The following C1GALT1 variants were observed in gnomAD, a reference collection of about 807,000 sequenced individuals.
C1GALT1 encodes core 1 synthase, glycoprotein-N-acetylgalactosamine 3-beta-galactosyltransferase 1.
A neutral mutation model predicts 31.0 loss-of-function variants in C1GALT1; 11 were observed. The ratio of observed to expected loss-of-function variants is 0.36; its 90% CI spans 0.22 to 0.59. The LOEUF is 0.59. Among genes scored for constraint, C1GALT1 ranks in the 20% least tolerant of loss-of-function variants. The pLI, the probability that C1GALT1 is intolerant of heterozygous loss-of-function variation, is 0.79. For synonymous variants in C1GALT1, 175 were observed against 143.6 expected, an observed-to-expected ratio of 1.22 and a Z score of -1.56; for missense variants, 424 against 425.2, an observed-to-expected ratio of 1.00 and a Z score of 0.03.
intron 1 of C1GALT1, among the ~76,000 whole-genome samples, chr7:7,187,366 C>T (rs907939572): frequency 6.6e-6 from 1 of 152,018 alleles, no homozygotes; most frequent in Non-Finnish European, 1.5e-5. Flanking sequence ...TCTCCTGCCT[C>T]AGCCTCCCCA....
chr7:7,184,719 T>C (rs1407198898), intron 1 of C1GALT1, among the ~76,000 whole-genome samples: 1 of 152,226 alleles, frequency 6.6e-6, no homozygotes, highest in Non-Finnish European at 1.5e-5. Context: ...AAGTAGAAAA[T>C]GGAAAGCTTG....
chr7:7,165,063 C>T (rs540679181), intron 2 of C1GALT1, among the ~76,000 whole-genome samples: 1 of 152,130 alleles, frequency 6.6e-6, no homozygotes. Context: ...CAGAGAAGGA[C>T]CAAACAGTGC....
intron 1 of C1GALT1, among the ~76,000 whole-genome samples, chr7:7,188,702 G>A (rs1395085194): frequency 6.6e-6 from 1 of 152,016 alleles, no homozygotes; most frequent in Non-Finnish European, 1.5e-5. Context: ...AATATATACA[G>A]AAACATTTAA....
chr7:7,167,836 A>C (rs1156353450), intron 2 of C1GALT1, among the ~76,000 whole-genome samples: 4 of 152,126 alleles, frequency 2.6e-5, no homozygotes, highest in African/African-American at 9.7e-5. Context: ...TGAAGCAGCA[A>C]AAACATTCTC....
intron 1 of C1GALT1, among the ~76,000 whole-genome samples, chr7:7,187,097 A>T (rs1780849083): frequency 6.6e-6 from 1 of 152,232 alleles, no homozygotes; most frequent in Non-Finnish European, 1.5e-5. Flanking sequence ...TGCTCAGACC[A>T]GGGTGATAGC....
intron 1 of C1GALT1, among the ~76,000 whole-genome samples, chr7:7,232,461 G>C (rs1411935619): frequency 1.3e-5 from 2 of 150,282 alleles, no homozygotes; most frequent in Non-Finnish European, 3.0e-5. Context: ...AAGAGTTTGA[G>C]AAATGTAATG....
intron 1 of C1GALT1, among the ~76,000 whole-genome samples, chr7:7,225,863 A>G (rs1170983909): frequency 6.6e-6 from 1 of 152,198 alleles, no homozygotes; most frequent in Non-Finnish European, 1.5e-5. Context: ...TAAGTATTCC[A>G]TTTAAAGATA....
intron 3 of C1GALT1, among the ~76,000 whole-genome samples, chr7:7,242,535 T>C (rs1259726663): frequency 6.6e-6 from 1 of 152,066 alleles, no homozygotes; most frequent in Non-Finnish European, 1.5e-5. Flanking sequence ...CTCTTGGAAC[T>C]TGCCAGACTA....
chr7:7,225,317 G>C (rs1326012926), intron 1 of C1GALT1, among the ~76,000 whole-genome samples: 1 of 152,036 alleles, frequency 6.6e-6, no homozygotes, highest in East Asian at 1.9e-4. Flanking sequence ...TTACTTCCCT[G>C]TGTCATTAGC....
intron 1 of C1GALT1, among the ~76,000 whole-genome samples, chr7:7,217,579 T>TA (rs1402377650): frequency 6.6e-6 from 1 of 152,238 alleles, no homozygotes; most frequent in African/African-American, 2.4e-5. Context: ...TTTTGTTTAA[T>TA]AAGATAGAAA....
chr7:7,193,925 T>C (rs943684612), intron 1 of C1GALT1, among the ~76,000 whole-genome samples: 1 of 152,074 alleles, frequency 6.6e-6, no homozygotes, highest in African/African-American at 2.4e-5. Context: ...TTTTATTTTT[T>C]TTTTGCAGAC....
chr7:7,226,714 C>G (rs1466208391), intron 1 of C1GALT1, among the ~76,000 whole-genome samples: 1 of 152,036 alleles, frequency 6.6e-6, no homozygotes, highest in Non-Finnish European at 1.5e-5. Context: ...TGAAACCCAG[C>G]TAACAAAAAC....
chr7:7,211,568 A>G (rs1052955692), intron 1 of C1GALT1, among the ~76,000 whole-genome samples: 3 of 152,232 alleles, frequency 2.0e-5, no homozygotes, highest in East Asian at 1.9e-4. Context: ...GTGTATCCCT[A>G]TTGCAAACAG....
rs184217602 is a variant in C1GALT1, at chr7:7,160,048, C to T, written c.-18+2622C>T. On this transcript the variant is annotated intron_variant, in intron 2 of 3. Transcript: ENST00000429911. Reference sequence around the variant, plus strand: ...AGATCAATGGCAGCAACACTGTGAACGGCTGTTCATACATAAGTAAAACTA... The same window carrying T: ...AGATCAATGGCAGCAACACTGTGAATGGCTGTTCATACATAAGTAAAACTA... 3.3e-5 allele frequency among the ~76,000 whole-genome samples: 5 copies of T among 152,210 alleles called. No individual in the cohort carries two copies. The South Asian group carries it at 6.2e-4, about 19-fold the overall frequency.
chr7:7,199,526 T>A (rs1056347863), intron 1 of C1GALT1, among the ~76,000 whole-genome samples: 1 of 152,220 alleles, frequency 6.6e-6, no homozygotes, highest in Non-Finnish European at 1.5e-5. Context: ...TGATTTGGGA[T>A]GGAGAGTTCT....
At chr7:7,231,846 A>G (rs1256820093) in intron 1 of C1GALT1, among the ~76,000 whole-genome samples, 1 of 151,654 alleles carries the variant, frequency 6.6e-6, no homozygotes, top group Non-Finnish European at 1.5e-5. Flanking sequence ...ATATTTCTCC[A>G]GGAGAATATT....
intron 1 of C1GALT1, among the ~76,000 whole-genome samples, chr7:7,204,097 GTT>G (rs74853892): frequency 7.7e-6 from 1 of 129,654 alleles, no homozygotes. Flanking sequence ...CTCCTCTTCT[GTT>G]TTTTTTTTTT....
At chr7:7,167,983 T>C (rs1274124913) in intron 2 of C1GALT1, among the ~76,000 whole-genome samples, 1 of 152,228 alleles carries the variant, frequency 6.6e-6, no homozygotes, top group Non-Finnish European at 1.5e-5. Context: ...GACACTGTTC[T>C]TTCTTAGAGA....
chr7:7,158,239 AG>A (rs918066522), intron 2 of C1GALT1, among the ~76,000 whole-genome samples: 122 of 152,332 alleles, frequency 8.0e-4, no homozygotes, highest in African/African-American at 2.8e-3. Context: ...GGGTGGGGTT[AG>A]GAAGAGTGGT....
Sources: gnomAD v4.1 joint callset for allele counts (sites outside exome capture counted in the v4.1 genomes callset) on GRCh38, gnomAD v4.1.1 for gene constraint, MANE v1.5 for transcripts, NCBI Gene and HGNC (gene_info 2026-07-23, HGNC 2026-07-21) for gene names.